Variants in VPS41 observed in about 807,000 individuals in gnomAD.
The protein encoded by VPS41 is VPS41 subunit of HOPS complex, also known as vacuolar protein sorting-associated protein 41 homolog.
VPS41 carries 85 observed loss-of-function variants against 130.9 expected under a neutral mutation model. The ratio of observed to expected loss-of-function variants is 0.65; its 90% CI spans 0.55 to 0.78. The LOEUF (loss-of-function observed/expected upper bound fraction) is 0.78, where lower values mean the gene tolerates loss of function less well. VPS41 is among the 30% of genes least tolerant of loss of function. The pLI is 0.00. For synonymous variants in VPS41, 335 were observed against 332.9 expected (o/e 1.01, Z -0.07); for missense variants, 874 against 1,018.7 (o/e 0.86, Z 1.93).
chr7:38,780,306 C>A (rs1396044380), intron 10 of VPS41, among the ~76,000 whole-genome samples: 1 of 151,464 alleles, frequency 6.6e-6, no homozygotes, highest in Non-Finnish European at 1.5e-5. Flanking sequence ...GCTCGCGGGC[C>A]CTGCAGGGAG....
intron 10 of VPS41, 48 bp from the exon 11 acceptor site, chr7:38,776,824 C>T (rs1461972903): frequency 2.9e-6 from 3 of 1,045,784 alleles, no homozygotes; most frequent in Non-Finnish European, 3.0e-6. Flanking sequence ...GGGCAAACAG[C>T]AGCACACATC....
At chr7:38,901,615 C>T (rs1451834191) in intron 1 of VPS41, among the ~76,000 whole-genome samples, 3 of 152,160 alleles carry the variant, frequency 2.0e-5, no homozygotes, top group Admixed American at 2.0e-4. Context: ...GAGATCTGCC[C>T]CCATTAGATC....
chr7:38,749,802 A>G (rs1268601674), intron 22 of VPS41, among the ~76,000 whole-genome samples: 1 of 152,222 alleles, frequency 6.6e-6, no homozygotes, highest in Non-Finnish European at 1.5e-5. Context: ...TTCATGTCAC[A>G]TGTAAACATA....
intron 4 of VPS41, among the ~76,000 whole-genome samples, chr7:38,848,705 A>G (rs1785779787): frequency 2.0e-5 from 3 of 152,184 alleles, no homozygotes; most frequent in Admixed American, 2.0e-4. Context: ...CAAACTAATG[A>G]ACGTGTGGCA....
In VPS41 at chr7:38,795,513, G is replaced by A; in HGVS notation, c.669C>T (p.Cys223=). The A allele has an allele frequency of 6.2e-7, 1 of 1,613,450 alleles. No homozygotes were observed. Among genetic ancestry groups the A allele is most frequent in the Non-Finnish European group, 8.5e-7 (1 of 1,179,624 alleles). The part of the protein sequence containing the change: ...LRPDMYPCSL[C]WKDNVTLIIG... Reference sequence around the variant, plus strand: ...TAATCAGTGTCACATTGTCCTTCCAGCAGAGGCTGCAGGGATACATGTCTG... The same window carrying A: ...TAATCAGTGTCACATTGTCCTTCCAACAGAGGCTGCAGGGATACATGTCTG... Residue 223 remains cysteine (C), a synonymous_variant, in exon 9 of 29, where the codon TGC becomes TGT. Coordinates refer to ENST00000310301, the MANE Select transcript of VPS41 (RefSeq NM_014396.4).
intron 24 of VPS41, among the ~76,000 whole-genome samples, chr7:38,742,900 G>A (rs1233497378): frequency 6.6e-6 from 1 of 152,056 alleles, no homozygotes; most frequent in Non-Finnish European, 1.5e-5. Flanking sequence ...TCAAGCTGAG[G>A]ACCAACAAAT....
In VPS41 at chr7:38,858,919, T is replaced by C. The variant is rs1409521316; in HGVS notation, c.246+3626A>G. Among the ~76,000 whole-genome samples, 3 of 152,264 alleles carry C rather than the reference T, an allele frequency of 2.0e-5. No individual in the cohort carries two copies. The East Asian group carries it at 5.8e-4, about 29-fold the overall frequency. ...CCATAAAACAGCCTCAGGCAGGTCC[T>C]TCTGGAGGTATCAAGAAGAAGGCAT... On this transcript the variant is annotated intron_variant, in intron 4 of 28. Transcript: ENST00000310301.
At chr7:38,759,133 G>A (rs151265446) in intron 17 of VPS41, among the ~76,000 whole-genome samples, 159 of 152,334 alleles carry the variant, frequency 1.0e-3, no homozygotes, top group African/African-American at 3.4e-3. Context: ...TTGACCAGTC[G>A]GAAGTACAGG....
At chr7:38,794,287 T>A (rs552299031) in intron 9 of VPS41, among the ~76,000 whole-genome samples, 1 of 152,196 alleles carries the variant, frequency 6.6e-6, no homozygotes, top group Non-Finnish European at 1.5e-5. Context: ...GTTTCCTTCC[T>A]GTTACCCTAA....
chr7:38,777,711 C>T (rs1155513), intron 10 of VPS41, among the ~76,000 whole-genome samples: 97,392 of 152,026 alleles, frequency 0.64, 32,577 homozygotes, highest in East Asian at 0.88. Context: ...ATCATCTCCA[C>T]GGTTCTGTGG....
intron 5 of VPS41, among the ~76,000 whole-genome samples, chr7:38,828,240 AAC>A (rs144116233): frequency 1.1e-4 from 16 of 150,416 alleles, no homozygotes; most frequent in East Asian, 5.8e-4. Flanking sequence ...ACTGAAACTG[AAC>A]ACACACACAC....
At chr7:38,757,492 G>A (rs565849010) in intron 18 of VPS41, among the ~76,000 whole-genome samples, 5 of 152,170 alleles carry the variant, frequency 3.3e-5, no homozygotes, top group African/African-American at 7.2e-5. Context: ...CTGAACTGAA[G>A]CTGTACTGTT....
intron 25 of VPS41, among the ~76,000 whole-genome samples, chr7:38,732,985 G>A (rs1174483473): frequency 6.6e-6 from 1 of 151,980 alleles, no homozygotes; most frequent in Non-Finnish European, 1.5e-5. Flanking sequence ...GAGCCATCAC[G>A]CCCAGCTAAT....
At chr7:38,728,028 T>C (rs539232310) in intron 27 of VPS41, among the ~76,000 whole-genome samples, 2 of 152,336 alleles carry the variant, frequency 1.3e-5, no homozygotes, top group South Asian at 2.1e-4. Context: ...GACTTGGGCA[T>C]GTAGAACCAT....
In VPS41 at chr7:38,725,667, T is replaced by C. The variant is rs542529607; in HGVS notation, c.*579A>G. 2 of 152,924 alleles carry C rather than the reference T, an allele frequency of 1.3e-5. No homozygotes were observed. Among genetic ancestry groups the C allele is most frequent in the African/African-American group, 4.8e-5 (2 of 41,468 alleles). 9.5% of individuals were successfully genotyped at this position (152,924 alleles called of 1,614,324 possible). On this transcript the variant is annotated 3_prime_UTR_variant, in exon 29 of 29. Coordinates refer to ENST00000310301, the MANE Select transcript of VPS41 (RefSeq NM_014396.4). ...AACATGTGATTAGTAAACATAATGGTGCAGGACATCAGCCTGCTAATGTTA... is the reference window on the plus strand; with the variant it reads ...AACATGTGATTAGTAAACATAATGGCGCAGGACATCAGCCTGCTAATGTTA...
chr7:38,908,099 G>A (rs997175929), intron 1 of VPS41, among the ~76,000 whole-genome samples: 1 of 152,108 alleles, frequency 6.6e-6, no homozygotes, highest in African/African-American at 2.4e-5. Flanking sequence ...AAAAACAAAT[G>A]AAGTATGTTG....
intron 1 of VPS41, 118 bp downstream of exon 1, chr7:38,909,036 A>C: frequency 7.9e-5 from 68 of 864,424 alleles, no homozygotes; most frequent in Non-Finnish European, 9.7e-5. Flanking sequence ...CCTGCCGCGG[A>C]CCTGCCTTGC....
chr7:38,831,181 C>A (rs769764240), intron 4 of VPS41: 1 of 469,560 alleles, frequency 2.1e-6, no homozygotes, highest in South Asian at 1.6e-5. Flanking sequence ...TTTTAAATAT[C>A]GATTTTAGTC....
intron 4 of VPS41, among the ~76,000 whole-genome samples, chr7:38,852,350 C>T (rs1401374536): frequency 6.6e-6 from 1 of 152,146 alleles, no homozygotes; most frequent in Admixed American, 6.5e-5. Flanking sequence ...CTGACCCAGT[C>T]CCCAGCTCCG....
Sources: allele counts gnomAD v4.1 joint callset (sites outside exome capture counted in the v4.1 genomes callset), GRCh38; gene constraint gnomAD v4.1.1; transcripts MANE v1.5; gene names NCBI Gene and HGNC (gene_info 2026-07-23, HGNC 2026-07-21).